Variants in NAF1 observed in about 807,000 individuals in gnomAD.
The protein encoded by NAF1 is H/ACA ribonucleoprotein complex non-core subunit NAF1.
A neutral mutation model predicts 40.6 loss-of-function variants in NAF1; 11 were observed. The ratio of observed to expected loss-of-function variants is 0.27; its 90% confidence interval spans 0.17 to 0.45. The LOEUF is 0.45. Ranked by LOEUF, NAF1 falls within the 20% of genes least tolerant of loss-of-function variation. The pLI is 1.00. For missense variants in NAF1, 607 were observed against 611.1 expected (o/e 0.99, Z 0.07); for synonymous variants, 260 against 228.5 (o/e 1.14, Z -1.24).
At chr4:163,123,400 T>G (rs969585701), downstream of NAF1, among the ~76,000 whole-genome samples, 3 of 152,190 alleles carry the variant, frequency 2.0e-5, no homozygotes, top group Admixed American at 2.0e-4. Context: ...TTATTTCAAT[T>G]ATCTATTTCT....
At chr4:163,109,999 G>T, downstream of NAF1, 1 of 385,058 alleles carries the variant, frequency 2.6e-6, no homozygotes, top group Non-Finnish European at 4.6e-6. Flanking sequence ...TTTTACCTTT[G>T]TTTACTGCAA....
At chr4:163,112,621 C>G (rs1002814812) in intron 2 of NAF1, among the ~76,000 whole-genome samples, 1 of 152,146 alleles carries the variant, frequency 6.6e-6, no homozygotes, top group African/African-American at 2.4e-5. Flanking sequence ...GCACTTAGGG[C>G]TCTCCATAAG....
intron 2 of NAF1, among the ~76,000 whole-genome samples, chr4:163,153,544 T>C (rs1452549429): frequency 2.0e-5 from 3 of 152,116 alleles, no homozygotes; most frequent in Non-Finnish European, 4.4e-5. Context: ...ATCAGCACCC[T>C]GTGTTTAGCT....
chr4:163,123,959 T>C (rs1383800347), downstream of NAF1, among the ~76,000 whole-genome samples: 2 of 152,218 alleles, frequency 1.3e-5, no homozygotes, highest in African/African-American at 4.8e-5. Flanking sequence ...GTGAGGATAA[T>C]GACAACTGCA....
intron 4 of NAF1, chr4:163,142,051 TAA>T (rs1446263818): frequency 2.3e-6 from 1 of 437,266 alleles, no homozygotes; most frequent in Non-Finnish European, 3.0e-6. Context: ...TTTAAAGCTT[TAA>T]AAAAGTGTAA....
chr4:163,147,852 C>T (rs1462527764), intron 3 of NAF1, among the ~76,000 whole-genome samples: 2 of 152,120 alleles, frequency 1.3e-5, no homozygotes, highest in Non-Finnish European at 2.9e-5. Flanking sequence ...ACAGACGTTA[C>T]ATTACTGGCC....
chr4:163,146,238 C>T (rs995744622), intron 3 of NAF1, among the ~76,000 whole-genome samples: 1 of 152,108 alleles, frequency 6.6e-6, no homozygotes, highest in African/African-American at 2.4e-5. Context: ...AATTAGTCTT[C>T]TTTCTCACTC....
chr4:163,130,689 A>G (rs66609411), intron 7 of NAF1, among the ~76,000 whole-genome samples: 55,283 of 152,150 alleles, frequency 0.36, 11,245 homozygotes, highest in East Asian at 0.63. Context: ...ACAACAGAGC[A>G]TAAGTAGTGT....
In NAF1 at chr4:163,161,239, G is replaced by A. The variant is rs140089254; in HGVS notation, c.540+2978C>T. Among the ~76,000 whole-genome samples, 665 of 152,204 alleles carry A rather than the reference G, an allele frequency of 4.4e-3. 27 individuals are homozygous for A. The East Asian group carries it at 0.059, about 13-fold the overall frequency. On this transcript the variant is annotated intron_variant, in intron 2 of 7. Transcript: ENST00000274054. ...TGTAATCCCAGCACTTTGGGAGGCC[G>A]AGGCAGGTGGATCACCTGAGGTAAG...
At chr4:163,164,075 C>A in intron 2 of NAF1, 142 bp downstream of exon 2, 1 of 1,071,254 alleles carries the variant, frequency 9.3e-7, no homozygotes, top group Non-Finnish European at 1.2e-6. Context: ...CATAAGAAAG[C>A]CAAGGCATAC....
At chr4:163,153,016 G>A (rs1731787445) in intron 2 of NAF1, among the ~76,000 whole-genome samples, 1 of 152,208 alleles carries the variant, frequency 6.6e-6, no homozygotes, top group Non-Finnish European at 1.5e-5. Context: ...GGTGAACTGG[G>A]TCCCCCAGCA....
chr4:163,153,585 T>C (rs947282254), intron 2 of NAF1, among the ~76,000 whole-genome samples: 4 of 152,166 alleles, frequency 2.6e-5, no homozygotes, highest in Admixed American at 2.0e-4. Context: ...ATCGACACTC[T>C]GTATCTAGCT....
intron 1 of NAF1, 92 bp downstream of exon 1, chr4:163,166,269 CCA>C: frequency 2.1e-6 from 3 of 1,451,392 alleles, no homozygotes; most frequent in African/African-American, 2.9e-5. Context: ...CCTCCAGGGC[CCA>C]CACAAGCAAC....
rs1361989141 is a variant in NAF1 at position 163,119,131 on chromosome 4, G to T, written c.115-8841C>A. On this transcript the variant is annotated intron_variant, in intron 2 of 2. Coordinates refer to the NAF1 transcript ENST00000509434. Reference sequence around the variant, plus strand: ...TCTCCTTCCAGAAACCTCTCTGAATGATTTTCTACATTCCATTTGTATCTT... The same window carrying T: ...TCTCCTTCCAGAAACCTCTCTGAATTATTTTCTACATTCCATTTGTATCTT... Among the ~76,000 whole-genome samples the T allele has an allele frequency of 2.6e-5, 4 of 152,230 alleles. No individual in the cohort carries two copies. The East Asian group carries it at 7.7e-4, about 29-fold the overall frequency.
chr4:163,128,614 A>C, downstream of NAF1: 1 of 415,948 alleles, frequency 2.4e-6, no homozygotes, highest in Non-Finnish European at 3.3e-6. Context: ...TACTATATAT[A>C]TATATATATA....
intron 6 of NAF1, 63 bp downstream of exon 6, chr4:163,137,136 A>C: frequency 6.3e-7 from 1 of 1,581,798 alleles, no homozygotes; most frequent in African/African-American, 1.3e-5. Context: ...AAGAATGATA[A>C]AATTTATAAG....
At chr4:163,112,149 G>A (rs1730179402) in intron 2 of NAF1, among the ~76,000 whole-genome samples, 1 of 151,988 alleles carries the variant, frequency 6.6e-6, no homozygotes, top group South Asian at 2.1e-4. Context: ...TAAGATGAGA[G>A]AGATAATAGC....
At chr4:163,117,715 A>ACACACACACG (rs1393463048) in intron 2 of NAF1, among the ~76,000 whole-genome samples, 9 of 151,324 alleles carry the variant, frequency 5.9e-5, no homozygotes, top group African/African-American at 2.2e-4. Flanking sequence ...ACACACACAC[A>ACACACACACG]CACGCATGAA....
In NAF1 at chr4:163,164,398, G is replaced by C; in HGVS notation, c.366-7C>G. The C allele has an allele frequency of 6.6e-7, 1 of 1,518,088 alleles. No homozygotes were observed. The highest frequency in any genetic ancestry group is 8.8e-7 in the Non-Finnish European group (1 of 1,136,370). 94.0% of individuals were successfully genotyped at this position (1,518,088 alleles called of 1,614,324 possible). On this transcript the variant is annotated splice_polypyrimidine_tract_variant and splice_region_variant and intron_variant, in intron 1 of 7. Transcript: ENST00000274054. Reference sequence around the variant, plus strand: ...ACTATCTGAATCTGTTTCACTGTAGGGAAGAAAACAGTTAAAAAAATAGTC... The same window carrying C: ...ACTATCTGAATCTGTTTCACTGTAGCGAAGAAAACAGTTAAAAAAATAGTC...
Sources: allele counts gnomAD v4.1 joint callset (sites outside exome capture counted in the v4.1 genomes callset), GRCh38; gene constraint gnomAD v4.1.1; transcripts MANE v1.5; gene names NCBI Gene and HGNC (gene_info 2026-07-23, HGNC 2026-07-21).